PTPRR: variants seen among roughly 807,000 people sequenced by gnomAD.
The protein encoded by PTPRR is protein tyrosine phosphatase receptor type R, also known as receptor-type tyrosine-protein phosphatase R.
In PTPRR, 38 loss-of-function variants were observed where a neutral mutation model predicts 77.2. That is an observed-to-expected ratio of 0.49 (90% CI 0.38 to 0.65). The LOEUF (loss-of-function observed/expected upper bound fraction) is 0.65. PTPRR is among the 30% of genes least tolerant of loss of function. The pLI, the probability that PTPRR is intolerant of heterozygous loss-of-function variation, is 0.00. For missense variants in PTPRR, 744 were observed against 799.2 expected, an observed-to-expected ratio of 0.93 and a Z score of 0.83; for synonymous variants, 299 against 283.1, an observed-to-expected ratio of 1.06 and a Z score of -0.57.
At chr12:70,660,567 A>C (rs917944184) in intron 12 of PTPRR, among the ~76,000 whole-genome samples, 8 of 152,240 alleles carry the variant, frequency 5.3e-5, no homozygotes, top group South Asian at 2.1e-4. Flanking sequence ...GAAACAACAA[A>C]AAAGCCACTG....
chr12:70,865,147 T>A (rs1188872557), intron 2 of PTPRR, among the ~76,000 whole-genome samples: 3 of 152,128 alleles, frequency 2.0e-5, no homozygotes, highest in Non-Finnish European at 4.4e-5. Context: ...TTTCTCCTTT[T>A]GTTTGGCCCT....
intron 2 of PTPRR, among the ~76,000 whole-genome samples, chr12:70,780,424 T>C (rs139664637): frequency 1.0e-3 from 154 of 152,312 alleles, no homozygotes; most frequent in African/African-American, 3.6e-3. Flanking sequence ...TCTAATTATA[T>C]AGTTAATGCA....
intron 8 of PTPRR, among the ~76,000 whole-genome samples, chr12:70,697,049 A>G (rs112140396): frequency 5.1e-4 from 78 of 152,218 alleles, no homozygotes; most frequent in African/African-American, 1.5e-3. Context: ...ATATTTTTGT[A>G]TCATTTTTGT....
intron 2 of PTPRR, among the ~76,000 whole-genome samples, chr12:70,800,349 A>T (rs1312780969): frequency 6.6e-6 from 1 of 151,788 alleles, no homozygotes; most frequent in Non-Finnish European, 1.5e-5. Context: ...GGTATCAAAG[A>T]GAAACAGGAA....
chr12:70,918,702 T>C (rs1311921273), intron 1 of PTPRR, among the ~76,000 whole-genome samples: 2 of 152,206 alleles, frequency 1.3e-5, no homozygotes, highest in Admixed American at 6.5e-5. Context: ...TTTTATATGT[T>C]AGTTTTGAAA....
chr12:70,774,145 A>C (rs1891040701), intron 2 of PTPRR, among the ~76,000 whole-genome samples: 1 of 151,456 alleles, frequency 6.6e-6, no homozygotes. Context: ...TTGCAAGGCC[A>C]AAGATGGATT....
chr12:70,878,145 C>A (rs1352088288), intron 2 of PTPRR, among the ~76,000 whole-genome samples: 1 of 152,144 alleles, frequency 6.6e-6, no homozygotes, highest in Non-Finnish European at 1.5e-5. Flanking sequence ...ACCATAAAAA[C>A]CCTAGACGAA....
chr12:70,716,905 C>A (rs546662407), intron 6 of PTPRR, among the ~76,000 whole-genome samples: 13 of 152,302 alleles, frequency 8.5e-5, no homozygotes, highest in African/African-American at 2.9e-4. Context: ...TATAGATATG[C>A]AACTGGTAAT....
intron 6 of PTPRR, among the ~76,000 whole-genome samples, chr12:70,732,738 TTTA>T (rs1889706499): frequency 1.0e-5 from 1 of 95,650 alleles, no homozygotes. Context: ...TTTTTGTATT[TTTA>T]GTAGAGATGG....
At chr12:70,665,081 A>G (rs1404742425) in intron 10 of PTPRR, among the ~76,000 whole-genome samples, 1 of 152,216 alleles carries the variant, frequency 6.6e-6, no homozygotes, top group Non-Finnish European at 1.5e-5. Flanking sequence ...ATACTGTGAA[A>G]CCACACTAAT....
intron 6 of PTPRR, among the ~76,000 whole-genome samples, chr12:70,734,146 C>A (rs114048784): frequency 6.6e-6 from 1 of 152,214 alleles, no homozygotes; most frequent in African/African-American, 2.4e-5. Flanking sequence ...TCAGAACAGG[C>A]CATTTCACCT....
chr12:70,744,446 A>T (rs1890148750), intron 6 of PTPRR, among the ~76,000 whole-genome samples: 1 of 152,218 alleles, frequency 6.6e-6, no homozygotes, highest in African/African-American at 2.4e-5. Context: ...GACTTGATCA[A>T]TCTCTGTTTT....
intron 2 of PTPRR, among the ~76,000 whole-genome samples, chr12:70,862,769 G>T (rs1056198552): frequency 6.6e-6 from 1 of 151,844 alleles, no homozygotes; most frequent in African/African-American, 2.4e-5. Flanking sequence ...AGGGAACTAA[G>T]GTGGTTAGAA....
intron 6 of PTPRR, among the ~76,000 whole-genome samples, chr12:70,717,508 C>A (rs528232804): frequency 1.2e-4 from 18 of 152,186 alleles, no homozygotes; most frequent in African/African-American, 4.3e-4. Flanking sequence ...GATAGGGTCA[C>A]CAAATTGAGC....
chr12:70,894,643 T>G (rs962982475), intron 1 of PTPRR, among the ~76,000 whole-genome samples: 2 of 151,738 alleles, frequency 1.3e-5, no homozygotes, highest in South Asian at 4.1e-4. Flanking sequence ...GGTCAGAAAG[T>G]TCATATACAT....
At chr12:70,787,820 C>A (rs1400853478) in intron 2 of PTPRR, among the ~76,000 whole-genome samples, 1 of 152,032 alleles carries the variant, frequency 6.6e-6, no homozygotes, top group Non-Finnish European at 1.5e-5. Context: ...GAAAGTTAAT[C>A]CAATTTTATT....
intron 2 of PTPRR, among the ~76,000 whole-genome samples, chr12:70,830,350 C>A (rs1314018103): frequency 1.3e-5 from 2 of 152,318 alleles, no homozygotes; most frequent in South Asian, 4.1e-4. Flanking sequence ...CTGCCCCAGT[C>A]TGAGGGAGGC....
At chr12:70,909,143 T>G (rs1257514262) in intron 1 of PTPRR, among the ~76,000 whole-genome samples, 1 of 152,074 alleles carries the variant, frequency 6.6e-6, no homozygotes, top group Non-Finnish European at 1.5e-5. Context: ...AGGTATTGGG[T>G]ACCAGAGGCA....
intron 2 of PTPRR, among the ~76,000 whole-genome samples, chr12:70,875,421 G>A (rs1236129887): frequency 1.3e-5 from 2 of 152,098 alleles, no homozygotes; most frequent in South Asian, 2.1e-4. Context: ...CAGGAGATAC[G>A]GAGGTTCAAT....
Sources: gnomAD v4.1 joint callset for allele counts (sites outside exome capture counted in the v4.1 genomes callset) on GRCh38, gnomAD v4.1.1 for gene constraint, MANE v1.5 for transcripts, NCBI Gene and HGNC (gene_info 2026-07-23, HGNC 2026-07-21) for gene names.